Variants in PTPRK observed in about 807,000 individuals in gnomAD.
PTPRK encodes receptor-type tyrosine-protein phosphatase kappa.
Under a neutral mutation model 178.0 loss-of-function variants are expected in PTPRK, and 75 were observed. That is an observed-to-expected ratio of 0.42 (90% confidence interval 0.35 to 0.51). PTPRK has a LOEUF of 0.51. Ranked by LOEUF, PTPRK falls within the 20% of genes least tolerant of loss-of-function variation. The pLI is 0.02. For synonymous variants in PTPRK, 637 were observed against 620.6 expected, an observed-to-expected ratio of 1.03 and a Z score of -0.39; for missense variants, 1,441 against 1,797.8, an observed-to-expected ratio of 0.80 and a Z score of 3.59.
Position 128,024,439 on chromosome 6 carries a change from A to C in PTPRK, c.2195-15171T>G, listed in dbSNP as rs1773980144. Among the ~76,000 whole-genome samples the C allele has an allele frequency of 2.0e-5, 3 of 152,202 alleles. No homozygotes were observed. In the South Asian group the frequency reaches 6.2e-4, roughly 32 times the overall value. ...TAAAAAATTACTGGTTCTCTATTAC[A>C]TGTTTACATTTATGATAAATGTAAA... On this transcript the variant is annotated intron_variant, in intron 13 of 29. Coordinates refer to ENST00000368226, the MANE Select transcript of PTPRK (RefSeq NM_002844.4).
chr6:128,184,864 G>T, intron 6 of PTPRK, 139 bp from the exon 7 acceptor site: 1 of 886,806 alleles, frequency 1.1e-6, no homozygotes, highest in Non-Finnish European at 1.6e-6. Context: ...ACTAGAAGAC[G>T]CATGATCTGA....
intron 2 of PTPRK, among the ~76,000 whole-genome samples, chr6:128,349,736 C>T (rs77546836): frequency 0.019 from 2,895 of 151,942 alleles, 46 homozygotes; most frequent in African/African-American, 0.047. Flanking sequence ...AGGGTATAGG[C>T]GTTATAGTCT....
chr6:128,225,426 G>T (rs970467057), intron 5 of PTPRK, among the ~76,000 whole-genome samples: 2 of 152,104 alleles, frequency 1.3e-5, no homozygotes, highest in Non-Finnish European at 2.9e-5. Flanking sequence ...TGAGGCTGAC[G>T]TGAAATTTAC....
chr6:128,426,587 TG>T (rs1844168411), intron 1 of PTPRK, among the ~76,000 whole-genome samples: 1 of 152,178 alleles, frequency 6.6e-6, no homozygotes, highest in South Asian at 2.1e-4. Flanking sequence ...TTGAAAACAA[TG>T]AATGAAATAT....
At chr6:128,069,392 C>T (rs1782412808) in intron 11 of PTPRK, among the ~76,000 whole-genome samples, 1 of 152,132 alleles carries the variant, frequency 6.6e-6, no homozygotes, top group Non-Finnish European at 1.5e-5. Flanking sequence ...ATGCTACTGA[C>T]AAGATGCATG....
intron 1 of PTPRK, among the ~76,000 whole-genome samples, chr6:128,414,449 T>G (rs994865015): frequency 1.3e-5 from 2 of 152,212 alleles, no homozygotes; most frequent in Non-Finnish European, 2.9e-5. Context: ...ATTTTTTAAA[T>G]ATTTTTTGGT....
At chr6:127,992,604 T>G in intron 19 of PTPRK, 69 bp downstream of exon 19, 1 of 1,356,352 alleles carries the variant, frequency 7.4e-7, no homozygotes, top group East Asian at 2.4e-5. Context: ...TAAAAAATAA[T>G]AAAAACCACC....
chr6:128,459,343 G>A (rs1848753422), intron 1 of PTPRK, among the ~76,000 whole-genome samples: 1 of 152,024 alleles, frequency 6.6e-6, no homozygotes, highest in African/African-American at 2.4e-5. Flanking sequence ...AAAGAAAAAA[G>A]GAAGACAGGC....
intron 3 of PTPRK, among the ~76,000 whole-genome samples, chr6:128,260,238 G>T (rs2128293123): frequency 6.6e-6 from 1 of 152,022 alleles, no homozygotes; most frequent in South Asian, 2.1e-4. Context: ...TAACAGAACA[G>T]GCTTATAGCA....
At chr6:128,283,459 A>T (rs2128303675) in intron 3 of PTPRK, among the ~76,000 whole-genome samples, 1 of 152,306 alleles carries the variant, frequency 6.6e-6, no homozygotes, top group African/African-American at 2.4e-5. Flanking sequence ...CATATCTCAG[A>T]AGTAATAATG....
chr6:128,105,527 G>A (rs888247868), intron 7 of PTPRK, among the ~76,000 whole-genome samples: 3 of 152,144 alleles, frequency 2.0e-5, no homozygotes, highest in Admixed American at 1.3e-4. Context: ...GAGGTGTTAC[G>A]AAATCTAAAG....
intron 1 of PTPRK, among the ~76,000 whole-genome samples, chr6:128,464,155 A>G (rs376146822): frequency 1.3e-5 from 2 of 152,306 alleles, no homozygotes; most frequent in East Asian, 3.9e-4. Context: ...TCACTATTGC[A>G]TAATATTTTA....
At chr6:128,115,528 C>G (rs1437018672) in intron 7 of PTPRK, among the ~76,000 whole-genome samples, 1 of 151,814 alleles carries the variant, frequency 6.6e-6, no homozygotes, top group Admixed American at 6.6e-5. Context: ...AATTAGGAAG[C>G]AAGTGGTATA....
chr6:128,425,550 C>T (rs1221661591), intron 1 of PTPRK, among the ~76,000 whole-genome samples: 1 of 152,122 alleles, frequency 6.6e-6, no homozygotes, highest in Non-Finnish European at 1.5e-5. Flanking sequence ...ATAATAGTCC[C>T]CAATTCCATC....
intron 1 of PTPRK, among the ~76,000 whole-genome samples, chr6:128,414,128 ATATACT>A (rs1356209402): frequency 1.3e-5 from 2 of 152,296 alleles, no homozygotes; most frequent in East Asian, 1.9e-4. Flanking sequence ...TTCATCCTAA[ATATACT>A]TATAATAGTA....
chr6:128,340,424 G>C (rs984481543), intron 2 of PTPRK, among the ~76,000 whole-genome samples: 10 of 152,166 alleles, frequency 6.6e-5, no homozygotes, highest in Non-Finnish European at 1.3e-4. Context: ...AACTGGGTAA[G>C]CTTTAACAAC....
At chr6:128,000,266 C>A (rs752137590) in intron 15 of PTPRK, 2 of 1,260,424 alleles carry the variant, frequency 1.6e-6, no homozygotes, top group South Asian at 1.3e-5. Flanking sequence ...TGTTCTATCA[C>A]CAACTCTACA....
intron 2 of PTPRK, among the ~76,000 whole-genome samples, chr6:128,323,220 C>T (rs982915819): frequency 6.6e-6 from 1 of 152,018 alleles, no homozygotes; most frequent in African/African-American, 2.4e-5. Context: ...AGACTAAGTA[C>T]AAAAATGAGA....
chr6:128,458,897 G>A (rs958052131), intron 1 of PTPRK, among the ~76,000 whole-genome samples: 3 of 152,058 alleles, frequency 2.0e-5, no homozygotes, highest in African/African-American at 4.8e-5. Context: ...ACACACAAAC[G>A]ACGGACATTT....
Sources: allele counts gnomAD v4.1 joint callset (sites outside exome capture counted in the v4.1 genomes callset), GRCh38; gene constraint gnomAD v4.1.1; transcripts MANE v1.5; gene names NCBI Gene and HGNC (gene_info 2026-07-23, HGNC 2026-07-21).